SLFN12L: variants seen among roughly 807,000 people sequenced by gnomAD.
The protein encoded by SLFN12L is schlafen family member 12 like.
SLFN12L carries 34 observed loss-of-function variants against 34.8 expected under a neutral mutation model. The ratio of observed to expected loss-of-function variants is 0.98; its 90% CI spans 0.74 to 1.30. The LOEUF (loss-of-function observed/expected upper bound fraction) is 1.30, where lower values mean the gene tolerates loss of function less well. SLFN12L is among the 50% of genes most tolerant of loss of function. The pLI, the probability that SLFN12L is intolerant of heterozygous loss-of-function variation, is 0.00. For synonymous variants in SLFN12L, 259 were observed against 247.5 expected, an observed-to-expected ratio of 1.05 and a Z score of -0.44; for missense variants, 703 against 696.2, an observed-to-expected ratio of 1.01 and a Z score of -0.11.
In SLFN12L at chr17:35,483,289, A is replaced by G. The variant is rs1229100670; in HGVS notation, c.87-3094T>C. Reference sequence around the variant, plus strand: ...CTCCTCTGAGCTGTCCTAACATTTAATAAAGCTCATCTTCGTCTTGTTCAC... The same window carrying G: ...CTCCTCTGAGCTGTCCTAACATTTAGTAAAGCTCATCTTCGTCTTGTTCAC... On this transcript the variant is annotated intron_variant, in intron 2 of 4. Transcript: ENST00000628453. 3.3e-5 allele frequency among the ~76,000 whole-genome samples: 5 copies of G among 152,174 alleles called. No individual in the cohort carries two copies. In the South Asian group the frequency reaches 8.3e-4, roughly 25 times the overall value.
At chr17:35,516,977 A>G (rs1915847924) in intron 2 of SLFN12L, among the ~76,000 whole-genome samples, 1 of 152,190 alleles carries the variant, frequency 6.6e-6, no homozygotes, top group South Asian at 2.1e-4. Flanking sequence ...TCTATTTTAC[A>G]CTTACTTGTC....
At chr17:35,478,395 C>G in intron 3 of SLFN12L, 1 of 360,988 alleles carries the variant, frequency 2.8e-6, no homozygotes, top group Admixed American at 5.0e-5. Flanking sequence ...CTGAAACACT[C>G]TATACTTGGA....
intron 1 of SLFN12L, among the ~76,000 whole-genome samples, chr17:35,528,743 G>A (rs894264238): frequency 1.3e-5 from 2 of 152,104 alleles, no homozygotes; most frequent in African/African-American, 2.4e-5. Flanking sequence ...AAAAATCCTA[G>A]AAGGAAACCT....
intron 2 of SLFN12L, among the ~76,000 whole-genome samples, chr17:35,508,419 T>C (rs1319637776): frequency 1.3e-5 from 2 of 152,188 alleles, no homozygotes; most frequent in Non-Finnish European, 1.5e-5. Flanking sequence ...CGATCTCAGC[T>C]CACTGCAATG....
intron 2 of SLFN12L, among the ~76,000 whole-genome samples, chr17:35,522,042 C>A (rs1041284074): frequency 6.6e-6 from 1 of 152,038 alleles, no homozygotes; most frequent in Non-Finnish European, 1.5e-5. Flanking sequence ...ATGGGTGCAG[C>A]ACACCAGCAT....
Position 35,474,588 on chromosome 17 carries a change from G to C in SLFN12L, c.*335C>G, listed in dbSNP as rs1308583923. ...ATCCTTATCTATACTGATTATCTGG[G>C]AGATGCTGGAAATGTCAAAGGCTAA... On this transcript the variant is annotated 3_prime_UTR_variant, in exon 5 of 5. Coordinates refer to ENST00000628453, the MANE Select transcript of SLFN12L (RefSeq NM_001363830.2). 1 of 227,288 alleles carries C rather than the reference G, an allele frequency of 4.4e-6. No homozygotes were observed. Among genetic ancestry groups the C allele is most frequent in the African/African-American group, 2.3e-5 (1 of 42,578 alleles). 14.1% of individuals were successfully genotyped at this position (227,288 alleles called of 1,614,324 possible). A position where few individuals can be genotyped will look rare whatever the true frequency, so the allele number is the denominator to read the frequency against.
Position 35,530,501 on chromosome 17 carries a change from AAAGAAAG to A in SLFN12L, c.-606+7065_-606+7071del, listed in dbSNP as rs1487767945. ...GAAAGAAAGAAAGAAAGAAAGAAAGAAAGAAAGAAAGAAAAGAAAAGAAAAGAAAAGA... is the reference window on the plus strand; with the variant it reads ...GAAAGAAAGAAAGAAAGAAAGAAAGAAAAGAAAAGAAAAGAAAAGAAAAGA... On this transcript the variant is annotated intron_variant, in intron 1 of 4. Coordinates refer to ENST00000628453, the MANE Select transcript of SLFN12L (RefSeq NM_001363830.2). 1.9e-3 allele frequency among the ~76,000 whole-genome samples: 66 copies of A among 35,054 alleles called. No individual in the cohort carries two copies. In the East Asian group the frequency reaches 0.021, roughly 11 times the overall value. The allele number at this position is 35,054 out of a possible 152,430, so 23.0% of individuals were successfully genotyped here.
At chr17:35,513,052 C>T (rs1374369695) in intron 2 of SLFN12L, among the ~76,000 whole-genome samples, 2 of 152,174 alleles carry the variant, frequency 1.3e-5, no homozygotes, top group African/African-American at 4.8e-5. Context: ...TCTTCACTGC[C>T]TGGTCAGTCA....
intron 2 of SLFN12L, among the ~76,000 whole-genome samples, chr17:35,513,533 A>T (rs1291834965): frequency 6.6e-6 from 1 of 152,180 alleles, no homozygotes; most frequent in East Asian, 1.9e-4. Flanking sequence ...GATGCCACCA[A>T]GTACCAACAG....
intron 1 of SLFN12L, among the ~76,000 whole-genome samples, chr17:35,523,559 C>A (rs531055826): frequency 9.5e-4 from 144 of 152,288 alleles, no homozygotes; most frequent in African/African-American, 3.1e-3. Flanking sequence ...GAGGCTCCCC[C>A]CCATTACAAA....
intron 2 of SLFN12L, chr17:35,500,400 T>TAGCC (rs1408670443): frequency 6.6e-6 from 1 of 152,240 alleles, no homozygotes; most frequent in Non-Finnish European, 1.5e-5. Context: ...CACAGGCAGA[T>TAGCC]AGCCTGGCGC....
intron 1 of SLFN12L, among the ~76,000 whole-genome samples, chr17:35,531,549 G>C (rs2072411204): frequency 6.6e-6 from 1 of 152,074 alleles, no homozygotes; most frequent in Admixed American, 6.6e-5. Flanking sequence ...TTCAAGTATA[G>C]CATGCCATTG....
rs1329955077 is a variant in SLFN12L at position 35,468,332 on chromosome 17, CTG to C, written c.*6589_*6590del. Among the ~76,000 whole-genome samples the C allele has an allele frequency of 6.6e-6, 1 of 152,186 alleles. No individual in the cohort carries two copies. Among genetic ancestry groups the C allele is most frequent in the Non-Finnish European group, 1.5e-5 (1 of 68,028 alleles). On this transcript the variant is annotated 3_prime_UTR_variant, in exon 5 of 5. Transcript: ENST00000628453. ...TGCTAAGACCCACATCAACCTGAGT[CTG>C]TATTTACTTAAAAGAAATACTCAAG...
rs140237742 is a variant in SLFN12L, at chr17:35,468,552, C to T, written c.*6371G>A. On this transcript the variant is annotated 3_prime_UTR_variant, in exon 5 of 5. Coordinates refer to ENST00000628453, the MANE Select transcript of SLFN12L (RefSeq NM_001363830.2). ...CTCTTCTCAGGCACAAACTGCACAC[C>T]GAACATTTGGCCTTTTTTCCTTTGA... Among the ~76,000 whole-genome samples the T allele has an allele frequency of 5.3e-5, 8 of 152,112 alleles. No homozygotes were observed. The East Asian group carries it at 9.6e-4, about 18-fold the overall frequency.
At chr17:35,487,774 G>A (rs1398533499) in intron 2 of SLFN12L, 2 of 1,535,836 alleles carry the variant, frequency 1.3e-6, no homozygotes, top group East Asian at 2.4e-5. Context: ...GGGGACCTGA[G>A]TTCTTTTCCA....
chr17:35,534,337 G>A (rs2072439039), intron 1 of SLFN12L, among the ~76,000 whole-genome samples: 1 of 152,184 alleles, frequency 6.6e-6, no homozygotes, highest in Non-Finnish European at 1.5e-5. Context: ...ACTCCAGCCT[G>A]GCAACAGAGC....
intron 2 of SLFN12L, among the ~76,000 whole-genome samples, chr17:35,493,300 T>G (rs1332139884): frequency 2.0e-5 from 3 of 152,156 alleles, no homozygotes; most frequent in Non-Finnish European, 4.4e-5. Flanking sequence ...CTGTGGGGTT[T>G]TTCCTGTATG....
At chr17:35,506,059 C>A (rs977182931) in intron 2 of SLFN12L, among the ~76,000 whole-genome samples, 1 of 152,120 alleles carries the variant, frequency 6.6e-6, no homozygotes, top group Non-Finnish European at 1.5e-5. Context: ...AAATGACCAA[C>A]CTGATGTGTG....
chr17:35,532,260 C>G (rs1597888858), intron 1 of SLFN12L, among the ~76,000 whole-genome samples: 1 of 151,128 alleles, frequency 6.6e-6, no homozygotes, highest in African/African-American at 2.4e-5. Flanking sequence ...GCCAACATAG[C>G]GAAACCCCGA....
Sources: allele counts gnomAD v4.1 joint callset (sites outside exome capture counted in the v4.1 genomes callset), GRCh38; gene constraint gnomAD v4.1.1; transcripts MANE v1.5; gene names NCBI Gene and HGNC (gene_info 2026-07-23, HGNC 2026-07-21).